Variants in SUMF1 observed in about 807,000 individuals in gnomAD.
SUMF1 encodes formylglycine-generating enzyme.
Under a neutral mutation model 47.6 loss-of-function variants are expected in SUMF1, and 48 were observed. The ratio of observed to expected loss-of-function variants is 1.01; its 90% confidence interval spans 0.80 to 1.28. The LOEUF is 1.28. Among genes scored for constraint, SUMF1 ranks in the 50% most tolerant of loss-of-function variants. The pLI is 0.00. For synonymous variants in SUMF1, 230 were observed against 192.1 expected, an observed-to-expected ratio of 1.20 and a Z score of -1.63; for missense variants, 571 against 485.4, an observed-to-expected ratio of 1.18 and a Z score of -1.66.
At chr3:4,261,417 A>G (rs1697082821) in intron 8 of SUMF1, among the ~76,000 whole-genome samples, 1 of 152,324 alleles carries the variant, frequency 6.6e-6, no homozygotes, top group East Asian at 1.9e-4. Context: ...CTTTTACTTA[A>G]ATGTCTGCCT....
At chr3:4,036,511 G>T (rs539646610) in intron 9 of SUMF1, among the ~76,000 whole-genome samples, 1 of 151,776 alleles carries the variant, frequency 6.6e-6, no homozygotes, top group Non-Finnish European at 1.5e-5. Context: ...CTGCATGAGG[G>T]TTCTATAACT....
At chr3:4,246,291 GA>G (rs1465613502) in intron 8 of SUMF1, among the ~76,000 whole-genome samples, 1 of 151,974 alleles carries the variant, frequency 6.6e-6, no homozygotes, top group Non-Finnish European at 1.5e-5. Flanking sequence ...GACCCAATGA[GA>G]TGAACCAGGT....
intron 3 of SUMF1, among the ~76,000 whole-genome samples, chr3:4,447,943 C>T (rs767438631): frequency 4.6e-5 from 7 of 152,034 alleles, no homozygotes; most frequent in African/African-American, 1.2e-4. Context: ...TAAGCGCAAA[C>T]GCCCACCCTC....
At chr3:4,319,061 T>C (rs1346305286) in intron 8 of SUMF1, among the ~76,000 whole-genome samples, 1 of 152,222 alleles carries the variant, frequency 6.6e-6, no homozygotes, top group Non-Finnish European at 1.5e-5. Context: ...CTATAAGTTA[T>C]CCCTTAGCAC....
intron 8 of SUMF1, among the ~76,000 whole-genome samples, chr3:4,094,519 G>A (rs1270192368): frequency 1.3e-5 from 2 of 152,042 alleles, no homozygotes; most frequent in African/African-American, 2.4e-5. Flanking sequence ...ATGTAAGCTA[G>A]GCTTTGAAGG....
intron 8 of SUMF1, among the ~76,000 whole-genome samples, chr3:4,352,731 TAAAAAAAAAAA>T (rs34628235): frequency 9.2e-6 from 1 of 108,252 alleles, no homozygotes; most frequent in African/African-American, 3.2e-5. Context: ...TTGCTGCGTG[TAAAAAAAAAAA>T]AAAAAAAAAA....
chr3:4,398,231 T>C (rs1350478415), intron 7 of SUMF1, among the ~76,000 whole-genome samples: 1 of 152,114 alleles, frequency 6.6e-6, no homozygotes, highest in Non-Finnish European at 1.5e-5. Flanking sequence ...GCAAGCTCCT[T>C]AAGAAAAGAG....
At chr3:4,137,478 G>C (rs560519367) in intron 8 of SUMF1, among the ~76,000 whole-genome samples, 2 of 151,704 alleles carry the variant, frequency 1.3e-5, no homozygotes, top group African/African-American at 2.4e-5. Flanking sequence ...GTTGTGGGGT[G>C]GGGGGAAGGG....
At chr3:4,401,601 A>G (rs1418133983) in intron 7 of SUMF1, among the ~76,000 whole-genome samples, 5 of 152,188 alleles carry the variant, frequency 3.3e-5, no homozygotes, top group Admixed American at 6.5e-5. Context: ...CTAAGCCTAC[A>G]AGGGTGACAT....
intron 8 of SUMF1, among the ~76,000 whole-genome samples, chr3:4,213,124 G>A (rs551271430): frequency 1.3e-5 from 2 of 152,212 alleles, no homozygotes; most frequent in South Asian, 4.1e-4. Context: ...ATTCACCAAG[G>A]TTGAAATTAA....
intron 8 of SUMF1, among the ~76,000 whole-genome samples, chr3:4,253,123 G>A (rs1696845517): frequency 6.6e-6 from 1 of 152,168 alleles, no homozygotes; most frequent in Admixed American, 6.5e-5. Context: ...ACTGTGAAAA[G>A]GCTTTTGGGT....
At chr3:4,214,112 C>A (rs62258066) in intron 8 of SUMF1, among the ~76,000 whole-genome samples, 50,852 of 152,012 alleles carry the variant, frequency 0.33, 9,165 homozygotes, top group Non-Finnish European at 0.42. Context: ...ATACATTCTT[C>A]TCAGAACCAC....
In SUMF1 at chr3:4,105,110, T is replaced by G. The variant is rs1693128362; in HGVS notation, c.1015-36365A>C. On this transcript the variant is annotated intron_variant and NMD_transcript_variant, in intron 8 of 12. Coordinates refer to the SUMF1 transcript ENST00000448413. ...ACATGGATGAACCTGGAGGACATGA[T>G]AAGTGAAATAAGCCAAGGACAGAAA... Among the ~76,000 whole-genome samples the G allele has an allele frequency of 2.6e-5, 4 of 152,128 alleles. No homozygotes were observed. The South Asian group carries it at 8.3e-4, about 32-fold the overall frequency.
intron 8 of SUMF1, among the ~76,000 whole-genome samples, chr3:4,123,393 G>A (rs190503547): frequency 6.6e-6 from 1 of 152,204 alleles, no homozygotes; most frequent in East Asian, 1.9e-4. Flanking sequence ...ATTGATGGAG[G>A]TCAGAATGAG....
At chr3:4,127,658 T>A (rs1693686047) in intron 8 of SUMF1, among the ~76,000 whole-genome samples, 1 of 152,122 alleles carries the variant, frequency 6.6e-6, no homozygotes. Context: ...TTGTGTGAGT[T>A]AATACTTAAT....
At chr3:4,358,852 C>G (rs1699680008), downstream of SUMF1, among the ~76,000 whole-genome samples, 1 of 152,178 alleles carries the variant, frequency 6.6e-6, no homozygotes, top group Non-Finnish European at 1.5e-5. Flanking sequence ...TCCTGAAGGT[C>G]TTACACCTTG....
At chr3:4,263,373 GATGTTTTCA>G (rs1697124945) in intron 8 of SUMF1, among the ~76,000 whole-genome samples, 1 of 152,166 alleles carries the variant, frequency 6.6e-6, no homozygotes. Context: ...AAAGGTGTGT[GATGTTTTCA>G]AAAAATCCAA....
At chr3:4,339,278 C>T (rs1699219735) in intron 8 of SUMF1, among the ~76,000 whole-genome samples, 1 of 152,118 alleles carries the variant, frequency 6.6e-6, no homozygotes, top group Non-Finnish European at 1.5e-5. Context: ...CAACTTGTCC[C>T]ATTTTCCTTG....
Position 4,096,643 on chromosome 3 carries a change from T to C in SUMF1, c.1015-27898A>G, listed in dbSNP as rs78869611. Among the ~76,000 whole-genome samples, 1,132 of 152,184 alleles carry C rather than the reference T, an allele frequency of 7.4e-3. 21 individuals carry two copies. Among genetic ancestry groups the C allele is most frequent in the African/African-American group, 0.026 (1,063 of 41,486 alleles). On this transcript the variant is annotated intron_variant and NMD_transcript_variant, in intron 8 of 12. Coordinates refer to the SUMF1 transcript ENST00000448413. The stretch of plus-strand genomic sequence containing the variant: ...TAAATCTCTTTACAGATTATCATGA[T>C]AGCCATGGTCATCAGGAAGACACAT...
Sources: gnomAD v4.1 joint callset for allele counts (sites outside exome capture counted in the v4.1 genomes callset) on GRCh38, gnomAD v4.1.1 for gene constraint, MANE v1.5 for transcripts, NCBI Gene and HGNC (gene_info 2026-07-23, HGNC 2026-07-21) for gene names.